CACNA1C: variants seen among roughly 807,000 people sequenced by gnomAD.
CACNA1C encodes the protein voltage-dependent L-type calcium channel subunit alpha-1C.
Under a neutral mutation model 229.0 loss-of-function variants are expected in CACNA1C, and 30 were observed. The ratio of observed to expected loss-of-function variants is 0.13; its 90% CI spans 0.10 to 0.18. The LOEUF (loss-of-function observed/expected upper bound fraction) is 0.18. CACNA1C is among the 10% of genes least tolerant of loss of function. The probability of loss-of-function intolerance (pLI) is 1.00; values close to 1 mark genes in which losing one functional copy is unlikely to be tolerated. For missense variants in CACNA1C, 1,658 were observed against 2,845.0 expected, an observed-to-expected ratio of 0.58 and a Z score of 9.49; for synonymous variants, 1,114 against 1,132.5, an observed-to-expected ratio of 0.98 and a Z score of 0.33.
intron 34 of CACNA1C, among the ~76,000 whole-genome samples, chr12:2,656,596 G>A (rs2095436050): frequency 6.6e-6 from 1 of 152,104 alleles, no homozygotes; most frequent in Non-Finnish European, 1.5e-5. Flanking sequence ...AATTCATATG[G>A]AACCACAAAA....
intron 34 of CACNA1C, among the ~76,000 whole-genome samples, chr12:2,658,302 A>C (rs929383519): frequency 7.2e-5 from 11 of 152,236 alleles, no homozygotes; most frequent in African/African-American, 2.4e-4. Context: ...ATCTACTTAA[A>C]AATTTGGCAC....
intron 3 of CACNA1C, among the ~76,000 whole-genome samples, chr12:2,399,170 C>G (rs550394474): frequency 1.1e-3 from 171 of 152,240 alleles, no homozygotes; most frequent in African/African-American, 3.0e-3. Flanking sequence ...AGGAATGAAC[C>G]CCATACCTGC....
intron 3 of CACNA1C, among the ~76,000 whole-genome samples, chr12:2,406,414 C>T (rs903573538): frequency 3.3e-5 from 5 of 152,150 alleles, no homozygotes; most frequent in African/African-American, 1.2e-4. Context: ...GTTATAATCC[C>T]ACAGGCCACC....
intron 14 of CACNA1C, 137 bp downstream of exon 14, chr12:2,581,934 A>G: frequency 1.8e-6 from 1 of 565,932 alleles, no homozygotes; most frequent in Non-Finnish European, 3.2e-6. Context: ...CATGCCCGGG[A>G]GAGTCTTGAG....
At chr12:2,541,104 A>G (rs1232851945) in intron 9 of CACNA1C, among the ~76,000 whole-genome samples, 1 of 152,092 alleles carries the variant, frequency 6.6e-6, no homozygotes, top group Non-Finnish European at 1.5e-5. Flanking sequence ...ATCCGGTCAC[A>G]CTGGATTCAG....
At chr12:2,142,581 A>G (rs530348224) in intron 3 of CACNA1C, among the ~76,000 whole-genome samples, 2 of 151,432 alleles carry the variant, frequency 1.3e-5, no homozygotes, top group Non-Finnish European at 3.0e-5. Context: ...GGAGGTAGCC[A>G]TAAGAAGGCA....
chr12:2,123,299 G>A (rs936910631), intron 3 of CACNA1C, among the ~76,000 whole-genome samples: 3 of 150,092 alleles, frequency 2.0e-5, no homozygotes, highest in Middle Eastern at 3.4e-3. Flanking sequence ...TGGTGTGAAC[G>A]TGGGAGGCGG....
chr12:2,478,956 G>A (rs1037541081), intron 5 of CACNA1C, among the ~76,000 whole-genome samples: 10 of 152,144 alleles, frequency 6.6e-5, no homozygotes, highest in Admixed American at 2.6e-4. Context: ...GCCTGGGTAC[G>A]CCTGTCTCTC....
chr12:2,675,245 T>C (rs1372114197), intron 39 of CACNA1C, among the ~76,000 whole-genome samples: 2 of 152,158 alleles, frequency 1.3e-5, no homozygotes, highest in Non-Finnish European at 1.5e-5. Flanking sequence ...TAACATAAAA[T>C]CTATTAAAAG....
chr12:2,085,143 T>C (rs1430163114), intron 1 of CACNA1C, among the ~76,000 whole-genome samples: 1 of 152,232 alleles, frequency 6.6e-6, no homozygotes, highest in African/African-American at 2.4e-5. Context: ...CATCTGTGCA[T>C]AGAATCAGTG....
intron 3 of CACNA1C, among the ~76,000 whole-genome samples, chr12:2,137,416 A>T (rs2093651782): frequency 6.6e-6 from 1 of 151,074 alleles, no homozygotes; most frequent in African/African-American, 2.4e-5. Flanking sequence ...AAGTATATAT[A>T]TACACACACA....
intron 5 of CACNA1C, among the ~76,000 whole-genome samples, chr12:2,457,971 G>A (rs978988757): frequency 3.3e-5 from 5 of 152,232 alleles, no homozygotes; most frequent in African/African-American, 9.6e-5. Context: ...CATAAAGGAA[G>A]TGGCCATCTG....
At chr12:2,047,958 T>C (rs1343370290) in intron 1 of CACNA1C, among the ~76,000 whole-genome samples, 1 of 152,196 alleles carries the variant, frequency 6.6e-6, no homozygotes, top group South Asian at 2.1e-4. Context: ...CCACTTCCGA[T>C]CTCGACCATG....
chr12:1,990,941 A>C (rs2039217949), intron 1 of CACNA1C, among the ~76,000 whole-genome samples: 1 of 152,010 alleles, frequency 6.6e-6, no homozygotes, highest in Non-Finnish European at 1.5e-5. Flanking sequence ...CATAAAACCA[A>C]ATGACTCTGG....
At chr12:2,336,913 C>T (rs926789656) in intron 3 of CACNA1C, among the ~76,000 whole-genome samples, 1 of 152,166 alleles carries the variant, frequency 6.6e-6, no homozygotes, top group Non-Finnish European at 1.5e-5. Context: ...AAGAGTAAGA[C>T]ACCGCAAGAA....
At chr12:2,106,162 C>T (rs1269729532) in intron 1 of CACNA1C, among the ~76,000 whole-genome samples, 4 of 55,136 alleles carry the variant, frequency 7.3e-5, no homozygotes, top group East Asian at 5.8e-4. Flanking sequence ...CACTGGGCGC[C>T]CACCCTGGAG....
intron 3 of CACNA1C, among the ~76,000 whole-genome samples, chr12:2,377,017 C>A (rs908699466): frequency 6.6e-6 from 1 of 152,194 alleles, no homozygotes; most frequent in Non-Finnish European, 1.5e-5. Flanking sequence ...TGCCGCCATC[C>A]TCTGCGGGGG....
At position 2,473,971 on chromosome 12, in the gene CACNA1C, C is replaced by T. The variant is rs116072869; in HGVS notation, c.758-12133C>T. On this transcript the variant is annotated intron_variant, in intron 5 of 46. Coordinates refer to ENST00000399655, the MANE Select transcript of CACNA1C (RefSeq NM_000719.7). ...TTGGCAGCAATGAACAAATTTGGTTCTTTGTTACACTCCATCTCAAGAACA... is the reference window on the plus strand; with the variant it reads ...TTGGCAGCAATGAACAAATTTGGTTTTTTGTTACACTCCATCTCAAGAACA... Among the ~76,000 whole-genome samples, 1,049 of 152,112 alleles carry T rather than the reference C, an allele frequency of 6.9e-3. 21 individuals are homozygous for T. The highest frequency in any genetic ancestry group is 0.024 in the African/African-American group (1,004 of 41,502).
chr12:2,003,210 A>G (rs2042594676), intron 1 of CACNA1C, among the ~76,000 whole-genome samples: 1 of 152,172 alleles, frequency 6.6e-6, no homozygotes, highest in Non-Finnish European at 1.5e-5. Context: ...CTGCTGAACT[A>G]TACTGCAGAT....
Sources: allele counts gnomAD v4.1 joint callset (sites outside exome capture counted in the v4.1 genomes callset), GRCh38; gene constraint gnomAD v4.1.1; transcripts MANE v1.5; gene names NCBI Gene and HGNC (gene_info 2026-07-23, HGNC 2026-07-21).